Variants in MED12L observed in about 807,000 individuals in gnomAD.
MED12L encodes the protein mediator of RNA polymerase II transcription subunit 12-like protein.
In MED12L, 60 loss-of-function variants were observed where a neutral mutation model predicts 281.3. The ratio of observed to expected loss-of-function variants is 0.21; its 90% CI spans 0.17 to 0.26. The LOEUF (loss-of-function observed/expected upper bound fraction) is 0.26. MED12L is among the 10% of genes least tolerant of loss of function. The pLI is 1.00. For synonymous variants in MED12L, 974 were observed against 987.2 expected (o/e 0.99, Z 0.25); for missense variants, 2,146 against 2,680.9 (o/e 0.80, Z 4.41).
At chr3:151,381,991 A>G (rs1250092093) in intron 32 of MED12L, among the ~76,000 whole-genome samples, 1 of 152,030 alleles carries the variant, frequency 6.6e-6, no homozygotes, top group Non-Finnish European at 1.5e-5. Flanking sequence ...TTTGTTTTGA[A>G]TTGCACTTTT....
chr3:151,183,806 C>T (rs1722967010), intron 11 of MED12L, among the ~76,000 whole-genome samples: 1 of 151,964 alleles, frequency 6.6e-6, no homozygotes. Flanking sequence ...TTAGTGTAAT[C>T]CTGAAGATGC....
intron 39 of MED12L, among the ~76,000 whole-genome samples, chr3:151,401,134 C>T (rs542909863): frequency 3.3e-5 from 5 of 152,014 alleles, no homozygotes; most frequent in African/African-American, 9.7e-5. Context: ...TATTATTTTG[C>T]GGCTTTTTTG....
intron 3 of MED12L, among the ~76,000 whole-genome samples, chr3:151,120,254 C>G (rs1199335138): frequency 6.6e-6 from 1 of 150,914 alleles, no homozygotes; most frequent in Non-Finnish European, 1.5e-5. Flanking sequence ...AAACCAAAAA[C>G]AAACAAAAAA....
chr3:151,149,245 A>G (rs530841542), intron 5 of MED12L, among the ~76,000 whole-genome samples: 1 of 152,314 alleles, frequency 6.6e-6, no homozygotes, highest in East Asian at 1.9e-4. Flanking sequence ...GTGTTCAGAG[A>G]CTAGAGGGAA....
At chr3:151,167,555 T>C (rs780839580) in intron 11 of MED12L, among the ~76,000 whole-genome samples, 3 of 152,222 alleles carry the variant, frequency 2.0e-5, no homozygotes, top group Non-Finnish European at 4.4e-5. Context: ...TTTGGAATAA[T>C]TTTTGATTGA....
At chr3:151,377,923 A>G (rs1229303472) in intron 30 of MED12L, 89 bp from the exon 31 acceptor site, 3 of 1,322,990 alleles carry the variant, frequency 2.3e-6, no homozygotes, top group East Asian at 2.5e-5. Context: ...TGTCTCATAC[A>G]TCAAAGTTTC....
At chr3:151,157,695 G>A (rs1305336959) in intron 6 of MED12L, among the ~76,000 whole-genome samples, 1 of 152,134 alleles carries the variant, frequency 6.6e-6, no homozygotes, top group East Asian at 1.9e-4. Flanking sequence ...TCATGTCAAT[G>A]TGGCCTCACT....
chr3:151,371,877 C>A (rs1291274472), intron 26 of MED12L, among the ~76,000 whole-genome samples: 1 of 152,150 alleles, frequency 6.6e-6, no homozygotes, highest in African/African-American at 2.4e-5. Context: ...TGTTTAGTTT[C>A]TTTCCCAGAA....
intron 16 of MED12L, among the ~76,000 whole-genome samples, chr3:151,218,663 T>C (rs1243601646): frequency 1.3e-5 from 2 of 151,546 alleles, no homozygotes; most frequent in Non-Finnish European, 1.5e-5. Context: ...GGTCAGGAGA[T>C]TGAGACCAGC....
rs199780529 is a variant in MED12L at position 151,390,000 on chromosome 3, T to C, written c.5473T>C (p.Tyr1825His). The C allele has an allele frequency of 4.0e-5, 64 of 1,614,136 alleles. No homozygotes were observed. In the East Asian group the frequency reaches 1.2e-3, roughly 31 times the overall value. ...RVDEYPQSNI[Y>H]RVPPNYSPIS... The stretch of plus-strand genomic sequence containing the variant: ...GAAGGAATATCCACAGAGCAACATA[T>C]ACCGAGTGCCTCCTAATTACTCGCC... Residue 1825 changes from tyrosine (Y) to histidine (H), a missense_variant, in exon 38 of 45, where the codon TAC (tyrosine) becomes CAC (histidine). Tyr to His is a moderately conservative substitution (Grantham distance 83). This residue lies in a region of MED12L where 496 missense variants were observed against 512.0 expected (regional missense o/e 0.97). Coordinates refer to ENST00000687756, the MANE Select transcript of MED12L (RefSeq NM_001393769.1).
At chr3:151,103,309 A>T (rs548909301) in intron 2 of MED12L, among the ~76,000 whole-genome samples, 1 of 152,234 alleles carries the variant, frequency 6.6e-6, no homozygotes, top group African/African-American at 2.4e-5. Flanking sequence ...TGTGATTTGA[A>T]TATGAATTAA....
chr3:151,209,611 C>T (rs1420676560), intron 16 of MED12L, among the ~76,000 whole-genome samples: 1 of 152,024 alleles, frequency 6.6e-6, no homozygotes, highest in Non-Finnish European at 1.5e-5. Context: ...AAAGAAATCC[C>T]GTGTCATTTT....
intron 5 of MED12L, among the ~76,000 whole-genome samples, chr3:151,136,244 A>C (rs954247258): frequency 6.6e-5 from 10 of 152,188 alleles, no homozygotes; most frequent in Non-Finnish European, 4.4e-5. Flanking sequence ...GTCCTGCTAA[A>C]CTCATAATTG....
chr3:151,155,310 A>G (rs1560101489), intron 5 of MED12L, among the ~76,000 whole-genome samples: 1 of 152,258 alleles, frequency 6.6e-6, no homozygotes, highest in African/African-American at 2.4e-5. Context: ...TTGGCATCAC[A>G]TCCCTCATGG....
At chr3:151,317,632 A>T (rs371225496) in intron 16 of MED12L, among the ~76,000 whole-genome samples, 5 of 151,156 alleles carry the variant, frequency 3.3e-5, no homozygotes, top group Admixed American at 1.3e-4. Flanking sequence ...TTGTATTTTT[A>T]GTAGAGACGG....
At chr3:151,106,259 T>TTTTCCC (rs1229988722) in intron 2 of MED12L, among the ~76,000 whole-genome samples, 22 of 141,068 alleles carry the variant, frequency 1.6e-4, no homozygotes, top group Non-Finnish European at 2.4e-4. Flanking sequence ...TTCCTTTTCC[T>TTTTCCC]TTTCCCTTTC....
intron 42 of MED12L, among the ~76,000 whole-genome samples, chr3:151,415,502 C>T (rs933073286): frequency 6.6e-6 from 1 of 152,180 alleles, no homozygotes; most frequent in Admixed American, 6.5e-5. Context: ...GTGAGACATG[C>T]CATATGGCAA....
chr3:151,147,836 G>A lies in MED12L; in HGVS notation c.557-8325G>A, dbSNP rs76125198. ...TATGAACATTTGTTTACAGGTCTTT[G>A]TGTGGACATGTGTCATTTCTCTTAG... On this transcript the variant is annotated intron_variant, in intron 5 of 44. Coordinates refer to ENST00000687756, the MANE Select transcript of MED12L (RefSeq NM_001393769.1). Among the ~76,000 whole-genome samples, 315 of 152,266 alleles carry A rather than the reference G, an allele frequency of 2.1e-3. 1 individual carries two copies. Among genetic ancestry groups the A allele is most frequent in the Middle Eastern group, 0.01 (3 of 294 alleles).
chr3:151,219,654 A>G (rs1386033674), intron 16 of MED12L: 1 of 152,218 alleles, frequency 6.6e-6, no homozygotes, highest in African/African-American at 2.4e-5. Flanking sequence ...TGCATTACAC[A>G]AAACAAAAAA....
Sources: allele counts gnomAD v4.1 joint callset (sites outside exome capture counted in the v4.1 genomes callset), GRCh38; gene constraint gnomAD v4.1.1; regional missense constraint gnomAD v4.1.1; transcripts MANE v1.5; gene names NCBI Gene and HGNC (gene_info 2026-07-23, HGNC 2026-07-21).